The following VSNL1 variants were observed in gnomAD, a reference collection of about 807,000 sequenced individuals.
VSNL1 encodes visinin like 1.
Under a neutral mutation model 20.4 loss-of-function variants are expected in VSNL1, and 6 were observed. That is an observed-to-expected ratio of 0.29 (90% CI 0.16 to 0.58). The LOEUF is 0.58. Among genes scored for constraint, VSNL1 ranks in the 20% least tolerant of loss-of-function variants. The probability of loss-of-function intolerance (pLI) is 0.90; values close to 1 mark genes in which losing one functional copy is unlikely to be tolerated. For synonymous variants in VSNL1, 93 were observed against 86.4 expected (o/e 1.08, Z -0.42); for missense variants, 100 against 234.5 (o/e 0.43, Z 3.75).
intron 1 of VSNL1, among the ~76,000 whole-genome samples, chr2:17,558,435 T>G (rs1558281341): frequency 6.6e-6 from 1 of 152,150 alleles, no homozygotes. Context: ...ATCTGGTGGG[T>G]TTTAATGATA....
chr2:17,640,266 A>G (rs546784645), intron 2 of VSNL1, among the ~76,000 whole-genome samples: 20 of 151,534 alleles, frequency 1.3e-4, no homozygotes, highest in Middle Eastern at 3.4e-3. Flanking sequence ...AAAAAAAAAA[A>G]AAAGAAAGAA....
At chr2:17,582,508 A>G (rs1342108084) in intron 1 of VSNL1, among the ~76,000 whole-genome samples, 1 of 152,192 alleles carries the variant, frequency 6.6e-6, no homozygotes, top group Non-Finnish European at 1.5e-5. Flanking sequence ...GAACCAAAGT[A>G]GTGGCAACAG....
chr2:17,600,129 T>C (rs1664792263), intron 2 of VSNL1, among the ~76,000 whole-genome samples: 1 of 152,218 alleles, frequency 6.6e-6, no homozygotes, highest in African/African-American at 2.4e-5. Flanking sequence ...TGCAGTGTGA[T>C]TTTAATTAGA....
chr2:17,569,060 C>T (rs1443710448), intron 1 of VSNL1, among the ~76,000 whole-genome samples: 6 of 152,138 alleles, frequency 3.9e-5, no homozygotes. Flanking sequence ...GTAATCACAG[C>T]ACTTTGGGAG....
intron 1 of VSNL1, among the ~76,000 whole-genome samples, chr2:17,581,402 A>G (rs1370175718): frequency 6.6e-6 from 1 of 152,194 alleles, no homozygotes; most frequent in Non-Finnish European, 1.5e-5. Context: ...CATATCCATC[A>G]ATGTAGATAT....
At chr2:17,642,374 T>C (rs1039294383) in intron 2 of VSNL1, among the ~76,000 whole-genome samples, 1 of 142,374 alleles carries the variant, frequency 7.0e-6, no homozygotes, top group African/African-American at 2.5e-5. Context: ...AGTGGCGCTA[T>C]CTTGGCTCAC....
intron 2 of VSNL1, among the ~76,000 whole-genome samples, chr2:17,637,203 C>G (rs1304908009): frequency 6.6e-6 from 1 of 152,156 alleles, no homozygotes; most frequent in African/African-American, 2.4e-5. Context: ...CAGGGGAGCC[C>G]GGAGAGCCTG....
rs550257419 is a variant in VSNL1, at chr2:17,603,597, CA to C, written c.162+11362del. The stretch of plus-strand genomic sequence containing the variant: ...AAATGTCAGGTAACCAAAGAAGTAT[CA>C]GGGGGAAAGTGAGATGAAGATATGG... On this transcript the variant is annotated intron_variant, in intron 2 of 3. Transcript: ENST00000295156. 1.3e-4 allele frequency among the ~76,000 whole-genome samples: 20 copies of C among 152,202 alleles called. No individual in the cohort carries two copies. The South Asian group carries it at 3.9e-3, about 30-fold the overall frequency.
At chr2:17,593,585 T>G (rs1664644602) in intron 2 of VSNL1, among the ~76,000 whole-genome samples, 1 of 152,206 alleles carries the variant, frequency 6.6e-6, no homozygotes, top group Non-Finnish European at 1.5e-5. Context: ...ATATATATTG[T>G]GTTCAAAGTC....
At chr2:17,613,132 T>C (rs768775358) in intron 2 of VSNL1, among the ~76,000 whole-genome samples, 3 of 152,160 alleles carry the variant, frequency 2.0e-5, no homozygotes, top group African/African-American at 4.8e-5. Flanking sequence ...GACTTCATAC[T>C]GCAGCATCTT....
intron 1 of VSNL1, among the ~76,000 whole-genome samples, chr2:17,579,954 C>G (rs533493443): frequency 1.1e-4 from 17 of 152,278 alleles, no homozygotes; most frequent in African/African-American, 3.6e-4. Context: ...GACATCTCAG[C>G]ACCTTGGAGA....
In VSNL1 at chr2:17,656,031, TATTG is replaced by T. The variant is rs368682286; in HGVS notation, c.*641_*644del. On this transcript the variant is annotated 3_prime_UTR_variant, in exon 4 of 4. Transcript: ENST00000295156. ...AATGTAAAAACCCTGCTAAATGACT[TATTG>T]ATTAAGTATATCTATCTATATATAC... 4.6e-5 allele frequency: 7 copies of T among 152,782 alleles called. No individual in the cohort carries two copies. The East Asian group carries it at 7.7e-4, about 17-fold the overall frequency. The allele number at this position is 152,782 out of a possible 1,614,324, so 9.5% of individuals were successfully genotyped here.
intron 2 of VSNL1, among the ~76,000 whole-genome samples, chr2:17,598,381 A>T (rs1405901875): frequency 6.6e-6 from 1 of 152,214 alleles, no homozygotes; most frequent in East Asian, 1.9e-4. Flanking sequence ...GCAAATGAAA[A>T]CATTGGTCTA....
At chr2:17,648,569 A>G (rs1335072280) in intron 2 of VSNL1, among the ~76,000 whole-genome samples, 3 of 152,172 alleles carry the variant, frequency 2.0e-5, no homozygotes, top group Non-Finnish European at 4.4e-5. Context: ...AAAATAGCAC[A>G]TGGTTTGTTT....
intron 2 of VSNL1, among the ~76,000 whole-genome samples, chr2:17,625,209 C>T (rs1572206821): frequency 6.6e-6 from 1 of 152,322 alleles, no homozygotes; most frequent in South Asian, 2.1e-4. Flanking sequence ...GCTTCCCCAG[C>T]CACGTGGAAC....
At chr2:17,546,934 TGAAAG>T (rs1284327492) in intron 1 of VSNL1, among the ~76,000 whole-genome samples, 6 of 143,054 alleles carry the variant, frequency 4.2e-5, no homozygotes, top group Non-Finnish European at 7.4e-5. Context: ...TTATGAAAAA[TGAAAG>T]GAAATTGTGA....
chr2:17,549,648 G>A (rs1393896752), intron 1 of VSNL1, among the ~76,000 whole-genome samples: 1 of 152,080 alleles, frequency 6.6e-6, no homozygotes, highest in Non-Finnish European at 1.5e-5. Flanking sequence ...GAAACAAAGA[G>A]TTTTTTGAAA....
chr2:17,652,737 C>T (rs1327911765), intron 3 of VSNL1, among the ~76,000 whole-genome samples: 1 of 152,232 alleles, frequency 6.6e-6, no homozygotes, highest in Non-Finnish European at 1.5e-5. Context: ...CTTTTATCCT[C>T]TGTGTGCAGC....
chr2:17,558,062 T>C (rs1663730448), intron 1 of VSNL1, among the ~76,000 whole-genome samples: 1 of 152,108 alleles, frequency 6.6e-6, no homozygotes, highest in African/African-American at 2.4e-5. Flanking sequence ...TTTGGAGATG[T>C]CAAGACTAGG....
Sources: allele counts gnomAD v4.1 joint callset (sites outside exome capture counted in the v4.1 genomes callset), GRCh38; gene constraint gnomAD v4.1.1; transcripts MANE v1.5; gene names NCBI Gene and HGNC (gene_info 2026-07-23, HGNC 2026-07-21).